Variants in NELL1 observed in about 807,000 individuals in gnomAD.
NELL1 encodes neural EGFL like 1.
NELL1 carries 76 observed loss-of-function variants against 107.4 expected under a neutral mutation model. That is an observed-to-expected ratio of 0.71 (90% CI 0.59 to 0.86). The LOEUF is 0.86. Ranked by LOEUF, NELL1 falls within the 40% of genes least tolerant of loss-of-function variation. The pLI, the probability that NELL1 is intolerant of heterozygous loss-of-function variation, is 0.00. For missense variants in NELL1, 1,024 were observed against 1,005.5 expected (o/e 1.02, Z -0.25); for synonymous variants, 353 against 341.2 (o/e 1.03, Z -0.38).
chr11:21,546,616 G>A (rs919130344), intron 16 of NELL1, among the ~76,000 whole-genome samples: 4 of 152,036 alleles, frequency 2.6e-5, no homozygotes, highest in Non-Finnish European at 5.9e-5. Context: ...ATTGCCTGCC[G>A]CCATGTAAGA....
chr11:21,335,730 A>T (rs1850376215), intron 14 of NELL1, among the ~76,000 whole-genome samples: 1 of 152,076 alleles, frequency 6.6e-6, no homozygotes, highest in Non-Finnish European at 1.5e-5. Flanking sequence ...CACAACATTC[A>T]GTTAGCAAGT....
At chr11:21,522,607 C>T (rs1242098238) in intron 15 of NELL1, among the ~76,000 whole-genome samples, 2 of 152,002 alleles carry the variant, frequency 1.3e-5, no homozygotes, top group Admixed American at 1.3e-4. Context: ...AATTACTTAA[C>T]TGGGTACATG....
intron 3 of NELL1, among the ~76,000 whole-genome samples, chr11:20,802,250 C>A (rs1156962170): frequency 6.6e-6 from 1 of 151,978 alleles, no homozygotes; most frequent in Non-Finnish European, 1.5e-5. Context: ...TGTGTTTGTC[C>A]TCTTCACATT....
At chr11:21,532,087 T>C (rs1011002123) in intron 15 of NELL1, among the ~76,000 whole-genome samples, 1 of 152,180 alleles carries the variant, frequency 6.6e-6, no homozygotes, top group African/African-American at 2.4e-5. Flanking sequence ...GGCACCAGCA[T>C]GTGATGTGAA....
intron 3 of NELL1, among the ~76,000 whole-genome samples, chr11:20,830,103 C>T (rs1374087491): frequency 6.6e-6 from 1 of 151,818 alleles, no homozygotes; most frequent in African/African-American, 2.4e-5. Context: ...GAAACCCTGT[C>T]TCTACTAAAA....
intron 15 of NELL1, among the ~76,000 whole-genome samples, chr11:21,386,250 T>C (rs1851743360): frequency 6.6e-6 from 1 of 150,680 alleles, no homozygotes; most frequent in African/African-American, 2.4e-5. Flanking sequence ...GTCTCCAAAC[T>C]GAAACACTAT....
At chr11:21,290,145 G>A (rs748449314) in intron 14 of NELL1, among the ~76,000 whole-genome samples, 5 of 152,034 alleles carry the variant, frequency 3.3e-5, no homozygotes, top group South Asian at 2.1e-4. Flanking sequence ...CGAGGTGGGC[G>A]GATCACGAGG....
intron 14 of NELL1, among the ~76,000 whole-genome samples, chr11:21,249,063 C>T (rs567230331): frequency 6.6e-6 from 1 of 152,068 alleles, no homozygotes; most frequent in African/African-American, 2.4e-5. Context: ...CAGGACCACC[C>T]CCTAGTTTTG....
intron 13 of NELL1, among the ~76,000 whole-genome samples, chr11:21,137,456 C>A (rs1276771952): frequency 6.6e-6 from 1 of 152,120 alleles, no homozygotes; most frequent in Non-Finnish European, 1.5e-5. Flanking sequence ...GAGTCATTGG[C>A]AGTATTCCAA....
chr11:20,969,367 C>T (rs57324721), intron 12 of NELL1, among the ~76,000 whole-genome samples: 5,689 of 152,304 alleles, frequency 0.037, 125 homozygotes, highest in East Asian at 0.081. Context: ...CAAGCTTACA[C>T]ACATTTGTAA....
chr11:21,412,383 G>A (rs184891840), intron 15 of NELL1, among the ~76,000 whole-genome samples: 26 of 152,154 alleles, frequency 1.7e-4, no homozygotes, highest in Admixed American at 1.3e-3. Context: ...TAAATGCCAG[G>A]CAGTGAACCA....
At chr11:21,330,435 T>C (rs1850246022) in intron 14 of NELL1, among the ~76,000 whole-genome samples, 1 of 152,006 alleles carries the variant, frequency 6.6e-6, no homozygotes, top group Non-Finnish European at 1.5e-5. Flanking sequence ...ATTCTGTCAA[T>C]TTTGTTCCTC....
At chr11:21,527,471 C>T (rs909408884) in intron 15 of NELL1, among the ~76,000 whole-genome samples, 1 of 152,110 alleles carries the variant, frequency 6.6e-6, no homozygotes, top group Non-Finnish European at 1.5e-5. Context: ...TTTCTGGGCA[C>T]CTTTACAGCA....
At chr11:20,963,035 G>A (rs2134218000) in intron 12 of NELL1, among the ~76,000 whole-genome samples, 1 of 152,210 alleles carries the variant, frequency 6.6e-6, no homozygotes, top group African/African-American at 2.4e-5. Context: ...TAGAGCAGAT[G>A]CCTTTCTCGC....
chr11:20,986,592 A>G (rs941907436), intron 12 of NELL1, among the ~76,000 whole-genome samples: 3 of 152,182 alleles, frequency 2.0e-5, no homozygotes, highest in Non-Finnish European at 4.4e-5. Context: ...TTTCTGATTC[A>G]TTAGGTCTCA....
chr11:21,506,135 T>G, intron 15 of NELL1, among the ~76,000 whole-genome samples: 1 of 152,248 alleles, frequency 6.6e-6, no homozygotes, highest in Middle Eastern at 3.4e-3. Context: ...AATGATATTG[T>G]TAAAAGGCCA....
At chr11:20,747,679 G>A (rs986050605) in intron 2 of NELL1, among the ~76,000 whole-genome samples, 10 of 152,150 alleles carry the variant, frequency 6.6e-5, no homozygotes, top group African/African-American at 9.7e-5. Flanking sequence ...TTCAACATGC[G>A]TTTTGGAGGT....
intron 15 of NELL1, among the ~76,000 whole-genome samples, chr11:21,481,299 C>T (rs186884706): frequency 1.8e-4 from 28 of 152,240 alleles, no homozygotes; most frequent in Non-Finnish European, 3.5e-4. Context: ...TCTATTCATA[C>T]AAAACTTAAT....
At chr11:20,821,321 G>C (rs747643511) in intron 3 of NELL1, among the ~76,000 whole-genome samples, 1 of 152,206 alleles carries the variant, frequency 6.6e-6, no homozygotes, top group Non-Finnish European at 1.5e-5. Context: ...ATTTCTGGGA[G>C]AGTTTACCAC....
Sources: gnomAD v4.1 joint callset for allele counts (sites outside exome capture counted in the v4.1 genomes callset) on GRCh38, gnomAD v4.1.1 for gene constraint, MANE v1.5 for transcripts, NCBI Gene and HGNC (gene_info 2026-07-23, HGNC 2026-07-21) for gene names.